The following NLGN4X variants were observed in gnomAD, a reference collection of about 807,000 sequenced individuals.
The protein encoded by NLGN4X is neuroligin 4 X-linked.
In NLGN4X, 3 loss-of-function variants were observed where a neutral mutation model predicts 40.3. The ratio of observed to expected loss-of-function variants is 0.07; its 90% CI spans 0.03 to 0.19. The LOEUF (loss-of-function observed/expected upper bound fraction) is 0.19. NLGN4X is among the 10% of genes least tolerant of loss of function. The probability of loss-of-function intolerance (pLI) is 1.00; values close to 1 mark genes in which losing one functional copy is unlikely to be tolerated. For synonymous variants in NLGN4X, 270 were observed against 306.8 expected (o/e 0.88, Z 1.25); for missense variants, 382 against 708.3 (o/e 0.54, Z 5.23).
intron 2 of NLGN4X, among the ~76,000 whole-genome samples, chrX:6,072,532 A>T (rs1242735119): frequency 8.9e-6 from 1 of 111,917 alleles, no homozygotes; most frequent in Non-Finnish European, 1.9e-5. Context: ...AACAGTGTGA[A>T]TATTGTTAAT....
At chrX:6,199,503 C>A (rs1923409455) in intron 1 of NLGN4X, among the ~76,000 whole-genome samples, 1 of 111,777 alleles carries the variant, frequency 8.9e-6, no homozygotes, top group Non-Finnish European at 1.9e-5. Flanking sequence ...AATTTATTGA[C>A]CACACTGCTA....
At chrX:6,208,332 T>G (rs771895211) in intron 1 of NLGN4X, among the ~76,000 whole-genome samples, 1 of 112,529 alleles carries the variant, frequency 8.9e-6, no homozygotes, top group African/African-American at 3.2e-5. Flanking sequence ...TTCTTTTTCT[T>G]TATTTCCAGT....
Position 6,119,674 on chromosome X carries a change from T to G in NLGN4X, c.472+31321A>C, listed in dbSNP as rs1452587431. Among the ~76,000 whole-genome samples the G allele has an allele frequency of 2.7e-5, 3 of 111,122 alleles. No homozygotes were observed. The East Asian group carries it at 8.5e-4, about 32-fold the overall frequency. ...CATCCACAGTCACATATAGGCCCCA[T>G]GTTCCCAAATCTTTTCAATATTCAA... is the stretch of plus-strand genomic sequence containing the variant. On this transcript the variant is annotated intron_variant, in intron 2 of 5. Coordinates refer to ENST00000381095, the MANE Select transcript of NLGN4X (RefSeq NM_181332.3).
intron 1 of NLGN4X, among the ~76,000 whole-genome samples, chrX:6,207,506 C>A (rs1042586137): frequency 4.5e-5 from 5 of 111,653 alleles, no homozygotes; most frequent in African/African-American, 1.6e-4. Flanking sequence ...AAAATGTACC[C>A]AAGAAGAAGT....
At chrX:5,981,030 G>T (rs922086251) in intron 3 of NLGN4X, among the ~76,000 whole-genome samples, 4 of 111,056 alleles carry the variant, frequency 3.6e-5, no homozygotes, top group Non-Finnish European at 5.7e-5. Flanking sequence ...TTCTCAGGAG[G>T]GTGTTGTGTT....
Position 5,901,157 on chromosome X carries a change from C to T in NLGN4X, c.1601+1920G>A, listed in dbSNP as rs186800070. ...ACATGCTGTACTTTCGCCAAGGGCA[C>T]AAAACATTCTCAAACCACTCCCTAC... On this transcript the variant is annotated intron_variant, in intron 5 of 5. Transcript: ENST00000381095. Among the ~76,000 whole-genome samples, 11 of 111,430 alleles carry T rather than the reference C, an allele frequency of 9.9e-5. No homozygotes were observed. In the East Asian group the frequency reaches 3.1e-3, roughly 32 times the overall value.
chrX:5,999,067 C>T lies in NLGN4X; in HGVS notation c.625+30213G>A, dbSNP rs896247395. ...CCTTGTTGTAGAGGAAGCTTCTGAA[C>T]AGCCTTTTCCAGCAATGAGCCTGAA... On this transcript the variant is annotated intron_variant, in intron 3 of 5. Transcript: ENST00000381095. 8.0e-5 allele frequency among the ~76,000 whole-genome samples: 9 copies of T among 111,874 alleles called. No homozygotes were observed. In the Admixed American group the frequency reaches 8.6e-4, roughly 11 times the overall value.
chrX:5,909,660 G>T (rs1050336973), intron 3 of NLGN4X, among the ~76,000 whole-genome samples: 1 of 107,124 alleles, frequency 9.3e-6, no homozygotes, highest in African/African-American at 3.4e-5. Context: ...GGGGGGAGGG[G>T]GCGTAAGTGC....
intron 2 of NLGN4X, among the ~76,000 whole-genome samples, chrX:6,100,195 A>G (rs1436989921): frequency 2.7e-5 from 3 of 112,798 alleles, no homozygotes; most frequent in Non-Finnish European, 5.6e-5. Context: ...GAACACCTTT[A>G]AGCGGTTTTC....
intron 2 of NLGN4X, among the ~76,000 whole-genome samples, chrX:6,057,730 A>T (rs1311554839): frequency 1.8e-5 from 2 of 111,866 alleles, no homozygotes; most frequent in Non-Finnish European, 3.8e-5. Context: ...AATAAGATCT[A>T]CTTAATATCT....
intron 1 of NLGN4X, among the ~76,000 whole-genome samples, chrX:6,178,816 C>T (rs1305988028): frequency 1.8e-5 from 2 of 111,348 alleles, no homozygotes; most frequent in Non-Finnish European, 3.8e-5. Context: ...TATAGAAATA[C>T]TACGTGGCTG....
chrX:6,162,914 A>G (rs1165352833), intron 1 of NLGN4X, among the ~76,000 whole-genome samples: 3 of 112,023 alleles, frequency 2.7e-5, no homozygotes, highest in Non-Finnish European at 5.6e-5. Flanking sequence ...CACAAATCTC[A>G]TCTTGAATTG....
At chrX:6,086,732 T>G (rs2038505928) in intron 2 of NLGN4X, among the ~76,000 whole-genome samples, 1 of 111,537 alleles carries the variant, frequency 9.0e-6, no homozygotes, top group South Asian at 3.8e-4. Flanking sequence ...CATGGGCTCA[T>G]GCAACCCTCC....
chrX:5,942,510 C>T (rs938894417), intron 3 of NLGN4X, among the ~76,000 whole-genome samples: 1 of 110,425 alleles, frequency 9.1e-6, no homozygotes, highest in Non-Finnish European at 1.9e-5. Flanking sequence ...GGCGAAACCT[C>T]GTCTCTACTA....
intron 3 of NLGN4X, among the ~76,000 whole-genome samples, chrX:5,981,386 C>A (rs1302752379): frequency 9.2e-6 from 1 of 108,458 alleles, no homozygotes; most frequent in Admixed American, 1.0e-4. Flanking sequence ...TCCCACTTCA[C>A]CAAGATACAG....
chrX:6,127,768 T>C (rs1250300280), intron 2 of NLGN4X, among the ~76,000 whole-genome samples: 2 of 112,374 alleles, frequency 1.8e-5, no homozygotes, highest in South Asian at 3.7e-4. Flanking sequence ...CTGATACTTA[T>C]AGGAAAATGT....
At chrX:6,087,876 G>A (rs1468173680) in intron 2 of NLGN4X, among the ~76,000 whole-genome samples, 4 of 112,354 alleles carry the variant, frequency 3.6e-5, no homozygotes, top group African/African-American at 1.3e-4. Context: ...TTATTGATGA[G>A]TTCTAAGCCT....
At chrX:6,060,431 T>C (rs1275335067) in intron 2 of NLGN4X, among the ~76,000 whole-genome samples, 1 of 111,519 alleles carries the variant, frequency 9.0e-6, no homozygotes, top group Non-Finnish European at 1.9e-5. Context: ...CCAGCATGCA[T>C]CCGCCTCACC....
intron 2 of NLGN4X, among the ~76,000 whole-genome samples, chrX:6,033,648 C>A (rs1261379484): frequency 2.7e-5 from 3 of 111,967 alleles, no homozygotes. Context: ...AAATCGAAGT[C>A]ATCTACCTTG....
Sources: allele counts gnomAD v4.1 joint callset (sites outside exome capture counted in the v4.1 genomes callset), GRCh38; gene constraint gnomAD v4.1.1; transcripts MANE v1.5; gene names NCBI Gene and HGNC (gene_info 2026-07-23, HGNC 2026-07-21).